SLC24A2: variants seen among roughly 807,000 people sequenced by gnomAD.
SLC24A2 encodes the protein solute carrier family 24 member 2, also known as sodium/potassium/calcium exchanger 2.
Under a neutral mutation model 62.0 loss-of-function variants are expected in SLC24A2, and 36 were observed. The ratio of observed to expected loss-of-function variants is 0.58; its 90% confidence interval spans 0.44 to 0.77. The LOEUF is 0.77. SLC24A2 is among the 30% of genes least tolerant of loss of function. The pLI is 0.00. For missense variants in SLC24A2, 846 were observed against 817.9 expected (o/e 1.03, Z -0.42); for synonymous variants, 358 against 294.0 (o/e 1.22, Z -2.23).
the SLC24A2 span, among the ~76,000 whole-genome samples, chr9:19,852,077 A>G: frequency 2.6e-5 from 4 of 152,172 alleles, no homozygotes; most frequent in African/African-American, 9.7e-5. Context: ...TTCTCTAATG[A>G]TCAGTGACGT....
the SLC24A2 span, among the ~76,000 whole-genome samples, chr9:20,049,368 T>A: frequency 6.6e-6 from 1 of 152,310 alleles, no homozygotes; most frequent in East Asian, 1.9e-4. Flanking sequence ...CAATGAACTT[T>A]TTTTTTCTTG....
chr9:19,789,038 G>T (rs1277696992), upstream of SLC24A2: 2 of 722,490 alleles, frequency 2.8e-6, no homozygotes, highest in Non-Finnish European at 3.4e-6. Context: ...GGAGGAGACT[G>T]AGCCGCTGTG....
At chr9:19,784,386 A>C (rs553847201) in intron 2 of SLC24A2, among the ~76,000 whole-genome samples, 35 of 152,230 alleles carry the variant, frequency 2.3e-4, no homozygotes, top group Non-Finnish European at 4.7e-4. Context: ...CAAGTCTCTA[A>C]GTTAATGAAG....
the SLC24A2 span, among the ~76,000 whole-genome samples, chr9:20,005,379 G>C: frequency 6.6e-6 from 1 of 152,146 alleles, no homozygotes; most frequent in Non-Finnish European, 1.5e-5. Context: ...GGCTTACTCT[G>C]TGTCTAATAT....
the SLC24A2 span, among the ~76,000 whole-genome samples, chr9:20,276,468 C>T: frequency 6.6e-6 from 1 of 152,152 alleles, no homozygotes; most frequent in African/African-American, 2.4e-5. Context: ...CAGGGTACAG[C>T]CCCACTCCTG....
At chr9:19,858,719 A>T in the SLC24A2 span, among the ~76,000 whole-genome samples, 5 of 152,190 alleles carry the variant, frequency 3.3e-5, no homozygotes, top group Admixed American at 6.5e-5. Flanking sequence ...TTCAAAGAAG[A>T]CATACATGTG....
At chr9:20,159,640 T>C in the SLC24A2 span, among the ~76,000 whole-genome samples, 2 of 151,406 alleles carry the variant, frequency 1.3e-5, no homozygotes, top group Admixed American at 6.6e-5. Context: ...AAAAGTCAAA[T>C]AAGATGATTT....
intron 2 of SLC24A2, among the ~76,000 whole-genome samples, chr9:19,633,753 T>C (rs536104293): frequency 1.8e-4 from 28 of 152,354 alleles, no homozygotes; most frequent in African/African-American, 6.0e-4. Flanking sequence ...CAGTGAAATG[T>C]TTGTGCATAT....
the SLC24A2 span, among the ~76,000 whole-genome samples, chr9:20,290,876 G>A: frequency 6.6e-6 from 1 of 152,202 alleles, no homozygotes; most frequent in Non-Finnish European, 1.5e-5. Context: ...GCACAGATAA[G>A]GTAGAGGACA....
the SLC24A2 span, among the ~76,000 whole-genome samples, chr9:20,129,287 A>T: frequency 6.6e-6 from 1 of 152,148 alleles, no homozygotes; most frequent in Non-Finnish European, 1.5e-5. Context: ...AAAAACACAG[A>T]AAAGTGAGTT....
chr9:19,516,322 G>A lies in SLC24A2; in HGVS notation c.1817C>T (p.Ala606Val). 6.2e-7 allele frequency: 1 copy of A among 1,614,196 alleles called. No homozygotes were observed. Among genetic ancestry groups the A allele is most frequent in the East Asian group, 2.2e-5 (1 of 44,876 alleles). The change falls in exon 11 of 11, where the codon GCC (alanine) becomes GTC (valine). Residue 606 changes from alanine to valine, a missense_variant. Coordinates refer to ENST00000341998, the MANE Select transcript of SLC24A2 (RefSeq NM_020344.4). ...CAGCATGATGAAGAGAAGGACGATG[G>A]CACAGAAAAGGCCATTGCTGCTGAC... is the stretch of plus-strand genomic sequence containing the variant. ...VAVSSNGLFC[A>V]IVLLFIMLLF...
At chr9:19,825,285 C>T in the SLC24A2 span, among the ~76,000 whole-genome samples, 1 of 152,180 alleles carries the variant, frequency 6.6e-6, no homozygotes, top group Non-Finnish European at 1.5e-5. Context: ...AGTCCAAGAT[C>T]AGGCTCTAGA....
the SLC24A2 span, among the ~76,000 whole-genome samples, chr9:20,005,167 T>C: frequency 2.6e-5 from 4 of 152,042 alleles, no homozygotes; most frequent in African/African-American, 7.2e-5. Flanking sequence ...GATAATCACC[T>C]CAAAAATTAA....
At chr9:19,868,971 T>C in the SLC24A2 span, among the ~76,000 whole-genome samples, 1 of 152,072 alleles carries the variant, frequency 6.6e-6, no homozygotes, top group South Asian at 2.1e-4. Flanking sequence ...ATTAATGTAG[T>C]TATTTATGTG....
At chr9:19,750,585 G>A (rs527282840) in intron 2 of SLC24A2, among the ~76,000 whole-genome samples, 4 of 152,082 alleles carry the variant, frequency 2.6e-5, no homozygotes, top group South Asian at 2.1e-4. Flanking sequence ...CTCTGCCCCC[G>A]TCCAGCCATT....
the SLC24A2 span, among the ~76,000 whole-genome samples, chr9:20,022,349 A>G: frequency 6.6e-6 from 1 of 152,226 alleles, no homozygotes; most frequent in Non-Finnish European, 1.5e-5. Flanking sequence ...ATATTTATTT[A>G]AACCATATAA....
chr9:19,517,910 A>AACACACACAC (rs56840950), intron 10 of SLC24A2, among the ~76,000 whole-genome samples: 55 of 131,710 alleles, frequency 4.2e-4, no homozygotes, highest in South Asian at 8.4e-4. Context: ...TTCTTATTAA[A>AACACACACAC]ACACACACAC....
chr9:20,048,671 TG>T, the SLC24A2 span, among the ~76,000 whole-genome samples: 76 of 152,044 alleles, frequency 5.0e-4, no homozygotes, highest in Non-Finnish European at 9.3e-4. Context: ...TTCAGCTGGG[TG>T]GGGAAATACC....
At chr9:19,963,218 C>G in the SLC24A2 span, among the ~76,000 whole-genome samples, 1 of 135,358 alleles carries the variant, frequency 7.4e-6, no homozygotes, top group Non-Finnish European at 1.6e-5. Flanking sequence ...CAAATTAATT[C>G]AAGATGGATT....
Sources: allele counts gnomAD v4.1 joint callset (sites outside exome capture counted in the v4.1 genomes callset), GRCh38; gene constraint gnomAD v4.1.1; transcripts MANE v1.5; gene names NCBI Gene and HGNC (gene_info 2026-07-23, HGNC 2026-07-21).